The following CHD1 variants were observed in gnomAD, a reference collection of about 807,000 sequenced individuals.
CHD1 encodes the protein chromodomain helicase DNA binding protein 1.
CHD1 carries 36 observed loss-of-function variants against 224.2 expected under a neutral mutation model. The observed-to-expected ratio is 0.16, with a 90% CI of 0.12 to 0.21. The LOEUF (loss-of-function observed/expected upper bound fraction) is 0.21. CHD1 is among the 10% of genes least tolerant of loss of function. CHD1 has a pLI of 1.00. For missense variants in CHD1, 1,378 were observed against 1,994.8 expected, an observed-to-expected ratio of 0.69 and a Z score of 5.89; for synonymous variants, 668 against 658.3, an observed-to-expected ratio of 1.01 and a Z score of -0.23.
chr5:98,883,845 ATATATATATATATATATTTT>A (rs1462368963), intron 18 of CHD1: 38 of 36,236 alleles, frequency 1.0e-3, no homozygotes, highest in African/African-American at 2.0e-3. Context: ...ATATATATAT[ATATATATATATATATATTTT>A]TTTTTTTTTT....
chr5:98,880,263 C>G (rs1438922681), intron 22 of CHD1, among the ~76,000 whole-genome samples: 1 of 152,170 alleles, frequency 6.6e-6, no homozygotes, highest in African/African-American at 2.4e-5. Context: ...CACAGCCGGG[C>G]GAAGTGGCTC....
rs1291319568 is a variant in CHD1, at chr5:98,854,015, T to C, written c.*2365A>G. ...GTAAGAATTATTTATTGTATAAAAG[T>C]GGAAGGTTAATTGGTACAGTACTAT... On this transcript the variant is annotated 3_prime_UTR_variant, in exon 36 of 36. Transcript: ENST00000614616. 1 of 151,926 alleles carries C rather than the reference T, an allele frequency of 6.6e-6. No homozygotes were observed. The highest frequency in any genetic ancestry group is 1.5e-5 in the Non-Finnish European group (1 of 67,876). The allele number at this position is 151,926 out of a possible 1,614,324, so 9.4% of individuals were successfully genotyped here.
At chr5:98,877,205 CAA>C (rs1243234568) in intron 23 of CHD1, among the ~76,000 whole-genome samples, 3 of 152,056 alleles carry the variant, frequency 2.0e-5, no homozygotes, top group Non-Finnish European at 2.9e-5. Flanking sequence ...AAATATTCAT[CAA>C]AGAGAGACCA....
At position 98,896,452 on chromosome 5, in the gene CHD1, T is replaced by TAA; in HGVS notation, c.1494-12_1494-11dup. 1 of 1,566,688 alleles carries TAA rather than the reference T, an allele frequency of 6.4e-7. No individual in the cohort carries two copies. The highest frequency in any genetic ancestry group is 8.7e-7 in the Non-Finnish European group (1 of 1,148,146). ...TATGCAACTATTTCCTCTACAAAGT[T>TAA]AAAAAAAAATTAGCATGCAAGGAAA... On this transcript the variant is annotated splice_polypyrimidine_tract_variant and intron_variant, in intron 11 of 35. Transcript: ENST00000614616.
chr5:98,891,962 A>G (rs1452609766), intron 15 of CHD1, among the ~76,000 whole-genome samples: 2 of 152,248 alleles, frequency 1.3e-5, no homozygotes, highest in African/African-American at 4.8e-5. Context: ...TATGGCACCT[A>G]TAGATTTACC....
At chr5:98,919,735 G>A (rs1243770115) in intron 2 of CHD1, among the ~76,000 whole-genome samples, 1 of 152,156 alleles carries the variant, frequency 6.6e-6, no homozygotes, top group East Asian at 1.9e-4. Context: ...TTATGTATGA[G>A]ATAATATGTA....
chr5:98,869,655 CTTCGGT>C, intron 30 of CHD1, 93 bp downstream of exon 30: 2 of 1,257,118 alleles, frequency 1.6e-6, no homozygotes, highest in African/African-American at 1.5e-5. Context: ...CACACACAGA[CTTCGGT>C]ACCTAAAATA....
chr5:98,880,264 G>A (rs570701600), intron 22 of CHD1, among the ~76,000 whole-genome samples: 8 of 152,300 alleles, frequency 5.3e-5, no homozygotes, highest in African/African-American at 1.2e-4. Context: ...ACAGCCGGGC[G>A]AAGTGGCTCA....
chr5:98,872,300 C>T lies in CHD1; in HGVS notation c.3711-99G>A, dbSNP rs988203853. 9.7e-6 allele frequency: 14 copies of T among 1,449,852 alleles called. No individual in the cohort carries two copies. In the African/African-American group the frequency reaches 1.7e-4, roughly 18 times the overall value. The allele number at this position is 1,449,852 out of a possible 1,614,324, so 89.8% of individuals were successfully genotyped here. ...GTCATTAGAACTTCAAAATAATATG[C>T]TTTATTTCTTCCTTTTTTTTTTCAA... On this transcript the variant is annotated intron_variant, in intron 27 of 35. Transcript: ENST00000614616.
intron 22 of CHD1, 56 bp downstream of exon 22, chr5:98,881,020 A>C: frequency 1.0e-6 from 1 of 984,786 alleles, no homozygotes; most frequent in Non-Finnish European, 1.6e-6. Flanking sequence ...ACTAAATGAC[A>C]TAACTCAATT....
rs1748330525 is a variant in CHD1 at position 98,859,857 on chromosome 5, A to AT, written c.4524+114dup. ...ATCATTACTGTGGTGTTCAATGGTG[A>AT]TTTTTTAAATTTATCTTATTCATTC... On this transcript the variant is annotated intron_variant, in intron 33 of 35. Coordinates refer to ENST00000614616, the MANE Select transcript of CHD1 (RefSeq NM_001270.4). 4 of 557,946 alleles carry AT rather than the reference A, an allele frequency of 7.2e-6. No individual in the cohort carries two copies. In the South Asian group the frequency reaches 7.9e-5, roughly 11 times the overall value. 34.6% of individuals were successfully genotyped at this position (557,946 alleles called of 1,614,324 possible).
At position 98,911,569 on chromosome 5, in the gene CHD1, T is replaced by C. The variant is rs1752425197; in HGVS notation, c.54-6471A>G. 2.0e-5 allele frequency among the ~76,000 whole-genome samples: 3 copies of C among 152,216 alleles called. No individual in the cohort carries two copies. In the South Asian group the frequency reaches 6.2e-4, roughly 32 times the overall value. On this transcript the variant is annotated intron_variant, in intron 2 of 35. Transcript: ENST00000614616. Reference sequence around the variant, plus strand: ...GTAACAGATGAATTAGAAATCACAGTGGAGAAACCGGACACCATGTCCTGG... The same window carrying C: ...GTAACAGATGAATTAGAAATCACAGCGGAGAAACCGGACACCATGTCCTGG...
chr5:98,911,146 A>AAAAAAAATATATATATATATATAT (rs1491111295), intron 2 of CHD1, among the ~76,000 whole-genome samples: 2 of 39,128 alleles, frequency 5.1e-5, no homozygotes, highest in Non-Finnish European at 9.0e-5. Context: ...AAAAAAAAAA[A>AAAAAAAATATATATATATATATAT]ATATATATAT....
rs1264965556 is a variant in CHD1, at chr5:98,854,430, A to G, written c.*1950T>C. On this transcript the variant is annotated 3_prime_UTR_variant, in exon 36 of 36. Coordinates refer to ENST00000614616, the MANE Select transcript of CHD1 (RefSeq NM_001270.4). ...TCTTATGACTTAAGCATTATGAATT[A>G]GTCAAATGCTATCTTGTGGAATAAA... is the stretch of plus-strand genomic sequence containing the variant. The G allele has an allele frequency of 6.6e-6, 1 of 152,136 alleles. No individual in the cohort carries two copies. Among genetic ancestry groups the G allele is most frequent in the Non-Finnish European group, 1.5e-5 (1 of 67,970 alleles). 9.4% of individuals were successfully genotyped at this position (152,136 alleles called of 1,614,324 possible).
intron 5 of CHD1, among the ~76,000 whole-genome samples, chr5:98,901,616 T>TA (rs1267715068): frequency 2.0e-5 from 3 of 152,140 alleles, no homozygotes; most frequent in Non-Finnish European, 2.9e-5. Context: ...CTCATAAAAT[T>TA]ATTCTACTTG....
At chr5:98,914,838 C>G (rs161750) in intron 2 of CHD1, among the ~76,000 whole-genome samples, 20,838 of 152,172 alleles carry the variant, frequency 0.14, 1,804 homozygotes, top group Middle Eastern at 0.26. Context: ...ATACTTTGCT[C>G]ATGTTACTAA....
chr5:98,867,500 C>T (rs1748967216), intron 31 of CHD1, among the ~76,000 whole-genome samples: 1 of 152,016 alleles, frequency 6.6e-6, no homozygotes, highest in African/African-American at 2.4e-5. Context: ...ATATATTGGT[C>T]TGCAAAAAAC....
chr5:98,866,884 G>C (rs572354349), intron 31 of CHD1, among the ~76,000 whole-genome samples: 2 of 151,850 alleles, frequency 1.3e-5, no homozygotes, highest in Non-Finnish European at 2.9e-5. Context: ...TTTCTTCCTG[G>C]TTTTGCTCTG....
At chr5:98,898,153 T>C (rs995277731) in intron 10 of CHD1, 103 bp downstream of exon 10, 2 of 570,630 alleles carry the variant, frequency 3.5e-6, no homozygotes, top group African/African-American at 3.9e-5. Context: ...ATATTCTCCC[T>C]TAGTCTATCT....
Sources: allele counts gnomAD v4.1 joint callset (sites outside exome capture counted in the v4.1 genomes callset), GRCh38; gene constraint gnomAD v4.1.1; transcripts MANE v1.5; gene names NCBI Gene and HGNC (gene_info 2026-07-23, HGNC 2026-07-21).